Variants in PCDHGB1 observed in about 807,000 individuals in gnomAD.
PCDHGB1 encodes protocadherin gamma subfamily B, 1.
Under a neutral mutation model 56.6 loss-of-function variants are expected in PCDHGB1, and 34 were observed. That is an observed-to-expected ratio of 0.60 (90% CI 0.46 to 0.80). The LOEUF (loss-of-function observed/expected upper bound fraction) is 0.80. Ranked by LOEUF, PCDHGB1 falls within the 30% of genes least tolerant of loss-of-function variation. PCDHGB1 has a pLI of 0.00. For synonymous variants in PCDHGB1, 561 were observed against 505.9 expected, an observed-to-expected ratio of 1.11 and a Z score of -1.46; for missense variants, 1,278 against 1,204.6, an observed-to-expected ratio of 1.06 and a Z score of -0.90.
Position 141,485,291 on chromosome 5 carries a change from CAGGA to C in PCDHGB1, c.2410-9512_2410-9509del. ...CCGCTACCCGGTCCCAGAGGAGTCA[CAGGA>C]AGGGACTTTTGTAGGGAATGTCGCT... On this transcript the variant is annotated intron_variant, in intron 1 of 3. Transcript: ENST00000523390. The surrounding 1 kb of genome is among the most constrained non-coding windows in gnomAD (Gnocchi z 5.7). 1 of 1,614,152 alleles carries C rather than the reference CAGGA, an allele frequency of 6.2e-7. No individual in the cohort carries two copies. Among genetic ancestry groups the C allele is most frequent in the Non-Finnish European group, 8.5e-7 (1 of 1,179,992 alleles).
chr5:141,365,833 G>T (rs1457711809), intron 1 of PCDHGB1: 2 of 1,613,920 alleles, frequency 1.2e-6, no homozygotes, highest in Non-Finnish European at 8.5e-7. Context: ...GGGCGCCCTT[G>T]TCCTCCTATG....
intron 1 of PCDHGB1, chr5:141,400,462 G>C: frequency 1.2e-6 from 2 of 1,614,062 alleles, no homozygotes; most frequent in Non-Finnish European, 1.7e-6. Flanking sequence ...ACTTTGTGGT[G>C]ATTCATCTGG....
chr5:141,508,935 A>T (rs180987868), intron 3 of PCDHGB1, among the ~76,000 whole-genome samples: 2 of 152,118 alleles, frequency 1.3e-5, no homozygotes, highest in Non-Finnish European at 2.9e-5. Context: ...GGAGTTAATT[A>T]GGGAAAACAG....
At chr5:141,404,196 C>T in intron 1 of PCDHGB1, 3 of 1,613,466 alleles carry the variant, frequency 1.9e-6, no homozygotes, top group Non-Finnish European at 1.7e-6. Context: ...CGAGAAAAAG[C>T]CTCAGAATAT....
In PCDHGB1 at chr5:141,423,465, G is replaced by A. The variant is rs762995150; in HGVS notation, c.2409+70796G>A. On this transcript the variant is annotated intron_variant, in intron 1 of 3. Coordinates refer to ENST00000523390, the MANE Select transcript of PCDHGB1 (RefSeq NM_018922.3). ...CGTCACATTTTGTAGGCGTGGACGG[G>A]GTACAGGCTTTCCTGCAAACCTATT... The A allele has an allele frequency of 2.6e-5, 42 of 1,614,006 alleles. 1 individual carries two copies. The Middle Eastern group carries it at 1.5e-3, about 57-fold the overall frequency.
intron 1 of PCDHGB1, chr5:141,398,647 C>T: frequency 6.2e-7 from 1 of 1,614,070 alleles, no homozygotes; most frequent in Non-Finnish European, 8.5e-7. Context: ...TAAACTCTCT[C>T]TTAACCCAAG....
At chr5:141,478,936 G>A in intron 1 of PCDHGB1, 1 of 633,220 alleles carries the variant, frequency 1.6e-6, no homozygotes, top group African/African-American at 1.9e-5. Context: ...GCAGCTTCTA[G>A]GAATACAAAA....
chr5:141,384,089 C>T, intron 1 of PCDHGB1: 1 of 1,596,318 alleles, frequency 6.3e-7, no homozygotes, highest in South Asian at 1.1e-5. Context: ...TTAGAAAAAT[C>T]AATAGATAAT....
chr5:141,484,867 G>C lies in PCDHGB1; in HGVS notation c.2410-9940G>C, dbSNP rs573580017. The C allele has an allele frequency of 1.8e-5, 5 of 282,560 alleles. No homozygotes were observed. The Admixed American group carries it at 1.9e-4, about 11-fold the overall frequency. The allele number at this position is 282,560 out of a possible 1,614,324, so 17.5% of individuals were successfully genotyped here. A position where few individuals can be genotyped will look rare whatever the true frequency, so the allele number is the denominator to read the frequency against. ...TGGGTTTTTTGGGGGGTGGGGGAGC[G>C]TGGAGGATAGGGTGGGCTTTTTCCC... On this transcript the variant is annotated intron_variant, in intron 1 of 3. Coordinates refer to ENST00000523390, the MANE Select transcript of PCDHGB1 (RefSeq NM_018922.3).
Position 141,431,690 on chromosome 5 carries a change from G to A in PCDHGB1, c.2410-63117G>A. 1.2e-6 allele frequency: 2 copies of A among 1,614,234 alleles called. No individual in the cohort carries two copies. Among genetic ancestry groups the A allele is most frequent in the Non-Finnish European group, 8.5e-7 (1 of 1,180,040 alleles). On this transcript the variant is annotated intron_variant, in intron 1 of 3. Coordinates refer to ENST00000523390, the MANE Select transcript of PCDHGB1 (RefSeq NM_018922.3). The surrounding 1 kb of genome is among the most constrained non-coding windows in gnomAD (Gnocchi z 4.8). ...AACAATAGGGGAGTTGGACCACGAG[G>A]AGTCAGGATTCTACCAGATGGAAGT... is the stretch of plus-strand genomic sequence containing the variant.
At chr5:141,364,290 G>A (rs745684468) in intron 1 of PCDHGB1, 1 of 1,518,718 alleles carries the variant, frequency 6.6e-7, no homozygotes, top group East Asian at 2.3e-5. Flanking sequence ...GAAACAGCAG[G>A]CTGAACCAGA....
chr5:141,361,524 GA>G, intron 1 of PCDHGB1: 1 of 1,614,056 alleles, frequency 6.2e-7, no homozygotes, highest in Non-Finnish European at 8.5e-7. Context: ...ACGTGGCAGA[GA>G]ACAATCCTCC....
In PCDHGB1 at chr5:141,487,365, G is replaced by A. The variant is rs1466536791; in HGVS notation, c.2410-7442G>A. On this transcript the variant is annotated intron_variant, in intron 1 of 3. Coordinates refer to ENST00000523390, the MANE Select transcript of PCDHGB1 (RefSeq NM_018922.3). This position sits in a 1 kb window ranked among gnomAD's most constrained non-coding sequence, Gnocchi z 5.0. ...GTCACATGCTTTCCTGCTGGCACCT[G>A]TGCCTGTCTCACCAGATCTCGAAGG... The A allele has an allele frequency of 1.2e-6, 2 of 1,614,068 alleles. No homozygotes were observed. Among genetic ancestry groups the A allele is most frequent in the South Asian group, 1.1e-5 (1 of 91,088 alleles).
rs2099605934 is a variant in PCDHGB1, at chr5:141,485,057, C to G, written c.2410-9750C>G. On this transcript the variant is annotated intron_variant, in intron 1 of 3. Transcript: ENST00000523390. The surrounding 1 kb of genome is among the most constrained non-coding windows in gnomAD (Gnocchi z 5.7). ...GTAACCCTTGCGGCGCCGGCCGAAC[C>G]GCGCCAGAGCTGGCGCGGGGAAAGG... The G allele has an allele frequency of 1.2e-6, 1 of 843,720 alleles. No homozygotes were observed. Among genetic ancestry groups the G allele is most frequent in the Non-Finnish European group, 1.9e-6 (1 of 524,586 alleles). 52.3% of individuals were successfully genotyped at this position (843,720 alleles called of 1,614,324 possible).
At chr5:141,363,012 T>C (rs1296290865) in intron 1 of PCDHGB1, among the ~76,000 whole-genome samples, 2 of 152,230 alleles carry the variant, frequency 1.3e-5, no homozygotes, top group Non-Finnish European at 2.9e-5. Context: ...TCACAGGGCA[T>C]GGGTAGGACA....
intron 1 of PCDHGB1, chr5:141,355,966 C>T (rs2149788851): frequency 1.9e-6 from 3 of 1,613,816 alleles, no homozygotes; most frequent in Non-Finnish European, 1.7e-6. Context: ...TGAGAACGTT[C>T]CTGTAGGCAC....
At chr5:141,410,117 C>T (rs768592770) in intron 1 of PCDHGB1, 6 of 1,612,766 alleles carry the variant, frequency 3.7e-6, no homozygotes, top group Admixed American at 3.3e-5. Context: ...GGACGCAGCC[C>T]GCCAGCGCCT....
At chr5:141,413,588 A>C in intron 1 of PCDHGB1, 1 of 1,613,922 alleles carries the variant, frequency 6.2e-7, no homozygotes, top group South Asian at 1.1e-5. Flanking sequence ...CCAAAATTCC[A>C]AGCAGAAAAT....
intron 1 of PCDHGB1, chr5:141,396,148 A>G (rs1589277067): frequency 6.6e-6 from 1 of 152,328 alleles, no homozygotes; most frequent in South Asian, 2.1e-4. Context: ...AAGCTGATCA[A>G]TTCAATTAAA....
Sources: gnomAD v4.1 joint callset for allele counts (sites outside exome capture counted in the v4.1 genomes callset) on GRCh38, gnomAD v4.1.1 for gene constraint, Gnocchi (gnomAD v3.1) non-coding constraint, MANE v1.5 for transcripts, NCBI Gene and HGNC (gene_info 2026-07-23, HGNC 2026-07-21) for gene names.